Variants in PIK3R4 observed in about 807,000 individuals in gnomAD.
The protein encoded by PIK3R4 is phosphoinositide 3-kinase regulatory subunit 4.
A neutral mutation model predicts 136.5 loss-of-function variants in PIK3R4; 46 were observed. The ratio of observed to expected loss-of-function variants is 0.34; its 90% CI spans 0.27 to 0.43. The LOEUF (loss-of-function observed/expected upper bound fraction) is 0.43, where lower values mean the gene tolerates loss of function less well. Among genes scored for constraint, PIK3R4 ranks in the 20% least tolerant of loss-of-function variants. PIK3R4 has a pLI of 1.00. For synonymous variants in PIK3R4, 557 were observed against 566.7 expected, an observed-to-expected ratio of 0.98 and a Z score of 0.24; for missense variants, 1,331 against 1,649.5, an observed-to-expected ratio of 0.81 and a Z score of 3.35.
At chr3:130,745,331 C>T in intron 1 of PIK3R4, 67 bp from the exon 2 acceptor site, 1 of 1,101,964 alleles carries the variant, frequency 9.1e-7, no homozygotes, top group Non-Finnish European at 1.3e-6. Flanking sequence ...CACCATTATT[C>T]CATTATTTGG....
At chr3:130,693,595 A>G (rs188946582) in intron 13 of PIK3R4, among the ~76,000 whole-genome samples, 7 of 152,250 alleles carry the variant, frequency 4.6e-5, no homozygotes, top group Admixed American at 1.3e-4. Context: ...AGAAACATCT[A>G]TTCACATCAT....
intron 15 of PIK3R4, 34 bp from the exon 16 acceptor site, chr3:130,684,415 A>G: frequency 6.3e-7 from 1 of 1,596,104 alleles, no homozygotes; most frequent in African/African-American, 1.3e-5. Context: ...ATTACCATCT[A>G]ATGATCAAAG....
At chr3:130,741,220 T>C (rs531473174) in intron 2 of PIK3R4, among the ~76,000 whole-genome samples, 1 of 152,246 alleles carries the variant, frequency 6.6e-6, no homozygotes, top group African/African-American at 2.4e-5. Context: ...TAATCCAATA[T>C]GACTGGCGTG....
intron 13 of PIK3R4, among the ~76,000 whole-genome samples, chr3:130,695,070 A>G (rs1181339023): frequency 1.3e-5 from 2 of 152,164 alleles, no homozygotes; most frequent in Non-Finnish European, 2.9e-5. Flanking sequence ...TTAATATGGT[A>G]CATTCATTAA....
At position 130,703,822 on chromosome 3, in the gene PIK3R4, C is replaced by A; in HGVS notation, c.2999G>T (p.Arg1000Ile). 2 of 1,612,420 alleles carry A rather than the reference C, an allele frequency of 1.2e-6. No individual in the cohort carries two copies. Among genetic ancestry groups the A allele is most frequent in the Non-Finnish European group, 8.5e-7 (1 of 1,178,502 alleles). ...AAAAAGTGAGTGTTCATCAGAGACT[C>A]TAATTCGATTCACAGCAGATTTATG... is the stretch of plus-strand genomic sequence containing the variant. Reference protein sequence around the residue: ...HEHKSAVNRIRVSDEHSLFAT... With the variant: ...HEHKSAVNRIIVSDEHSLFAT... The change falls in exon 13 of 20, where the codon AGA becomes ATA. Residue 1000 changes from arginine to isoleucine, a missense_variant. Physicochemically the swap from Arg to Ile is moderately conservative, Grantham distance 97. Transcript: ENST00000356763.
At chr3:130,689,704 T>A (rs2066506519) in intron 14 of PIK3R4, among the ~76,000 whole-genome samples, 3 of 152,226 alleles carry the variant, frequency 2.0e-5, no homozygotes, top group African/African-American at 4.8e-5. Flanking sequence ...CCTGGCTAAC[T>A]CACACCTGGT....
In PIK3R4 at chr3:130,733,947, C is replaced by T; in HGVS notation, c.1051G>A (p.Gly351Ser). ...CCACAGAGATTGTGAATAATGTTGCCCAAATCCTTCCGTATAACCAGAATA... is the reference window on the plus strand; with the variant it reads ...CCACAGAGATTGTGAATAATGTTGCTCAAATCCTTCCGTATAACCAGAATA... ...ERILVIRKDL[G>S]NIIHNLCGHD... The change falls in exon 4 of 20, where the codon GGC becomes AGC. Residue 351 changes from glycine to serine, a missense_variant. Physicochemically the swap from Gly to Ser is moderately conservative, Grantham distance 56. Transcript: ENST00000356763. 1.2e-6 allele frequency: 2 copies of T among 1,614,024 alleles called. No homozygotes were observed. Among genetic ancestry groups the T allele is most frequent in the Non-Finnish European group, 1.7e-6 (2 of 1,179,996 alleles).
In PIK3R4 at chr3:130,744,946, T is replaced by C. The variant is rs755252222; in HGVS notation, c.273A>G (p.Ser91=). 22 of 1,614,128 alleles carry C rather than the reference T, an allele frequency of 1.4e-5. 1 individual carries two copies. Among genetic ancestry groups the C allele is most frequent in the Non-Finnish European group, 1.9e-5 (22 of 1,180,048 alleles). ...TAGCTGCTTTCTCAGATGCTTTTTC[T>C]GATGCTTTCTGGAAAGGTAGACAAT... The part of the protein sequence containing the change: ...AQNCLPFQKA[S]EKASEKAAML... Residue 91 remains serine (S), a synonymous_variant, in exon 2 of 20, where the codon TCA becomes TCG. Transcript: ENST00000356763.
chr3:130,742,647 A>G (rs2066830706), intron 2 of PIK3R4, among the ~76,000 whole-genome samples: 3 of 152,234 alleles, frequency 2.0e-5, no homozygotes, highest in Admixed American at 2.0e-4. Context: ...CCTGAATAAC[A>G]TTATTCATTC....
chr3:130,708,249 C>T lies in PIK3R4; in HGVS notation c.2533+42G>A, dbSNP rs921437646. On this transcript the variant is annotated intron_variant, in intron 10 of 19. Coordinates refer to ENST00000356763, the MANE Select transcript of PIK3R4 (RefSeq NM_014602.3). ...GCTAAAAAACAGTCTTATGAAATAA[C>T]TAACAACAACAAGCTACACACACAC... is the stretch of plus-strand genomic sequence containing the variant. The T allele has an allele frequency of 4.7e-6, 7 of 1,484,480 alleles. No individual in the cohort carries two copies. In the Middle Eastern group the frequency reaches 5.2e-4, roughly 110 times the overall value. The allele number at this position is 1,484,480 out of a possible 1,614,324, so 92.0% of individuals were successfully genotyped here.
chr3:130,690,040 C>G (rs1487386536), intron 14 of PIK3R4, among the ~76,000 whole-genome samples: 1 of 152,166 alleles, frequency 6.6e-6, no homozygotes, highest in African/African-American at 2.4e-5. Flanking sequence ...TCTCCATGTC[C>G]CCATCAACTT....
At position 130,745,659 on chromosome 3, in the gene PIK3R4, A is replaced by G. The variant is rs1322715864; in HGVS notation, c.-46-395T>C. On this transcript the variant is annotated intron_variant, in intron 1 of 19. Coordinates refer to ENST00000356763, the MANE Select transcript of PIK3R4 (RefSeq NM_014602.3). ...CTGTGCTTGGGGCTATGAGAATTAC[A>G]AAGTTACCATATGACATAGTTCTTG... Among the ~76,000 whole-genome samples, 36 of 152,198 alleles carry G rather than the reference A, an allele frequency of 2.4e-4. 1 individual carries two copies. The highest frequency in any genetic ancestry group is 2.4e-3 in the Admixed American group (36 of 15,276).
intron 2 of PIK3R4, among the ~76,000 whole-genome samples, chr3:130,737,914 C>G (rs752613124): frequency 3.9e-5 from 6 of 152,150 alleles, no homozygotes; most frequent in Non-Finnish European, 5.9e-5. Flanking sequence ...ATCACTTTTG[C>G]ACCATGGTAA....
chr3:130,732,762 C>A (rs1350017114), intron 4 of PIK3R4, among the ~76,000 whole-genome samples: 1 of 148,040 alleles, frequency 6.8e-6, no homozygotes, highest in African/African-American at 2.5e-5. Flanking sequence ...TAATGACAAG[C>A]AAATCATAAA....
At position 130,744,729 on chromosome 3, in the gene PIK3R4, G is replaced by A; in HGVS notation, c.490C>T (p.Leu164=). 2.5e-6 allele frequency: 4 copies of A among 1,614,240 alleles called. No individual in the cohort carries two copies. Among genetic ancestry groups the A allele is most frequent in the Non-Finnish European group, 3.4e-6 (4 of 1,180,046 alleles). Residue 164 remains leucine, a synonymous_variant, in exon 2 of 20, where the codon CTA becomes TTA. Coordinates refer to ENST00000356763, the MANE Select transcript of PIK3R4 (RefSeq NM_014602.3). ...GGCTTAAAACTGGCAAAATCAGTTAGAAGAACCCAATTCCAACTGGTGACC... is the reference window on the plus strand; with the variant it reads ...GGCTTAAAACTGGCAAAATCAGTTAAAAGAACCCAATTCCAACTGGTGACC... The part of the protein sequence containing the change: ...VMVTSWNWVL[L]TDFASFKPTY...
chr3:130,693,553 C>A (rs2066530286), intron 13 of PIK3R4, among the ~76,000 whole-genome samples: 1 of 152,130 alleles, frequency 6.6e-6, no homozygotes, highest in African/African-American at 2.4e-5. Flanking sequence ...GACTAAGAAG[C>A]ATCTTTTCAT....
At chr3:130,679,816 G>A (rs766827603) in intron 19 of PIK3R4, among the ~76,000 whole-genome samples, 2 of 152,092 alleles carry the variant, frequency 1.3e-5, no homozygotes, top group African/African-American at 2.4e-5. Context: ...GGTGGGTCAC[G>A]CCTATAATCC....
chr3:130,700,412 C>T (rs1237193246), intron 13 of PIK3R4, among the ~76,000 whole-genome samples: 1 of 151,950 alleles, frequency 6.6e-6, no homozygotes, highest in Non-Finnish European at 1.5e-5. Flanking sequence ...GCTGAATGAG[C>T]CAGAAATAAG....
In PIK3R4 at chr3:130,679,260, C is replaced by A; in HGVS notation, c.*55G>T. On this transcript the variant is annotated 3_prime_UTR_variant, in exon 20 of 20. Coordinates refer to ENST00000356763, the MANE Select transcript of PIK3R4 (RefSeq NM_014602.3). The stretch of plus-strand genomic sequence containing the variant: ...AATCTGTTCTCTAGAAATGCCTTTT[C>A]TCGAGTTATAGTATTATATTTATAA... The A allele has an allele frequency of 9.0e-7, 1 of 1,109,674 alleles. No individual in the cohort carries two copies. The highest frequency in any genetic ancestry group is 2.9e-5 in the East Asian group (1 of 35,080). The allele number at this position is 1,109,674 out of a possible 1,614,324, so 68.7% of individuals were successfully genotyped here. A position where few individuals can be genotyped will look rare whatever the true frequency, so the allele number is the denominator to read the frequency against.
Sources: allele counts gnomAD v4.1 joint callset (sites outside exome capture counted in the v4.1 genomes callset), GRCh38; gene constraint gnomAD v4.1.1; transcripts MANE v1.5; gene names NCBI Gene and HGNC (gene_info 2026-07-23, HGNC 2026-07-21).